Variants in FBXL18 observed in about 807,000 individuals in gnomAD.
FBXL18 encodes the protein F-box and leucine rich repeat protein 18.
FBXL18 carries 36 observed loss-of-function variants against 46.0 expected under a neutral mutation model. The ratio of observed to expected loss-of-function variants is 0.78; its 90% CI spans 0.60 to 1.03. FBXL18 has a LOEUF of 1.03. Among genes scored for constraint, FBXL18 ranks in the 50% least tolerant of loss-of-function variants. The probability of loss-of-function intolerance (pLI) is 0.00; values close to 1 mark genes in which losing one functional copy is unlikely to be tolerated. For synonymous variants in FBXL18, 557 were observed against 465.3 expected (o/e 1.20, Z -2.54); for missense variants, 977 against 1,004.1 (o/e 0.97, Z 0.36).
intron 3 of FBXL18, 38 bp from the exon 4 acceptor site, chr7:5,491,487 G>C: frequency 6.6e-7 from 1 of 1,505,694 alleles, no homozygotes; most frequent in Non-Finnish European, 8.9e-7. Context: ...TCCGAGGGAG[G>C]GGCTCGCAGG....
chr7:5,478,815 C>G lies in FBXL18; in HGVS notation c.*2960G>C, dbSNP rs1294421102. The G allele has an allele frequency of 6.6e-6, 1 of 152,054 alleles. No homozygotes were observed. The highest frequency in any genetic ancestry group is 1.5e-5 in the Non-Finnish European group (1 of 68,002). The allele number at this position is 152,054 out of a possible 1,614,324, so 9.4% of individuals were successfully genotyped here. The stretch of plus-strand genomic sequence containing the variant: ...GCACGCAGGCACACGCATGCAGGCA[C>G]ATGTGCACACACAGGGCACAGGTAC... On this transcript the variant is annotated 3_prime_UTR_variant, in exon 5 of 5. Transcript: ENST00000382368.
chr7:5,502,128 G>GCTCCACCGGGAGGGAAGCT (rs200920217), intron 2 of FBXL18, 97 bp from the exon 3 acceptor site: 38,395 of 865,826 alleles, frequency 0.044, 1,501 homozygotes, highest in Middle Eastern at 0.059. Context: ...TGCAGCAGCT[G>GCTCCACCGGGAGGGAAGCT]CTCCACCGGG....
At position 5,478,402 on chromosome 7, in the gene FBXL18, G is replaced by C. The variant is rs143883883; in HGVS notation, c.*3373C>G. 1,453 of 152,494 alleles carry C rather than the reference G, an allele frequency of 9.5e-3. 23 individuals are homozygous for C. Among genetic ancestry groups the C allele is most frequent in the Middle Eastern group, 0.034 (10 of 298 alleles). 9.4% of individuals were successfully genotyped at this position (152,494 alleles called of 1,614,324 possible). A position where few individuals can be genotyped will look rare whatever the true frequency, so the allele number is the denominator to read the frequency against. On this transcript the variant is annotated 3_prime_UTR_variant, in exon 5 of 5. Transcript: ENST00000382368. ...CTTTGCTCTGGGTCATCAGGCTCAA[G>C]TGCCTGCTCTGGGCCACCTTCGGAA...
At chr7:5,506,594 T>A (rs1420959823) in intron 1 of FBXL18, among the ~76,000 whole-genome samples, 1 of 150,848 alleles carries the variant, frequency 6.6e-6, no homozygotes, top group Non-Finnish European at 1.5e-5. Flanking sequence ...TCTCACTCTG[T>A]GGCCCAGGCT....
In FBXL18 at chr7:5,492,120, G is replaced by C. The variant is rs188485938; in HGVS notation, c.1782-671C>G. The stretch of plus-strand genomic sequence containing the variant: ...CAGGGCAGGGGGGAGGCCCAAGTCC[G>C]CACCAAGGCTACAGTGACAGAGACC... On this transcript the variant is annotated intron_variant, in intron 3 of 4. Coordinates refer to ENST00000382368, the MANE Select transcript of FBXL18 (RefSeq NM_024963.6). 2.0e-4 allele frequency among the ~76,000 whole-genome samples: 30 copies of C among 150,780 alleles called. No individual in the cohort carries two copies. In the East Asian group the frequency reaches 5.9e-3, roughly 29 times the overall value.
Position 5,464,578 on chromosome 7 carries a change from G to A in FBXL18, c.2001-16735C>T, listed in dbSNP as rs1238887615. Reference sequence around the variant, plus strand: ...CTTGGGAGGCTGGGGCAGAAGAATTGCTTCAACCCAGGAGACGAATGTTGC... The same window carrying A: ...CTTGGGAGGCTGGGGCAGAAGAATTACTTCAACCCAGGAGACGAATGTTGC... On this transcript the variant is annotated intron_variant and NMD_transcript_variant, in intron 4 of 6. Coordinates refer to the FBXL18 transcript ENST00000415009. Among the ~76,000 whole-genome samples, 13 of 143,276 alleles carry A rather than the reference G, an allele frequency of 9.1e-5. No homozygotes were observed. The East Asian group carries it at 2.7e-3, about 29-fold the overall frequency. The allele number at this position is 143,276 out of a possible 152,430, so 94.0% of individuals were successfully genotyped here. A position where few individuals can be genotyped will look rare whatever the true frequency, so the allele number is the denominator to read the frequency against.
At chr7:5,502,421 G>C (rs970344454) in intron 2 of FBXL18, among the ~76,000 whole-genome samples, 2 of 152,104 alleles carry the variant, frequency 1.3e-5, no homozygotes, top group Non-Finnish European at 2.9e-5. Context: ...TTTTATCCCA[G>C]CTACTCCAGA....
At chr7:5,454,870 G>A (rs1334356393) in intron 4 of FBXL18, among the ~76,000 whole-genome samples, 1 of 152,218 alleles carries the variant, frequency 6.6e-6, no homozygotes, top group African/African-American at 2.4e-5. Flanking sequence ...CACCCGAGCT[G>A]CCAGTGAGAG....
intron 4 of FBXL18, among the ~76,000 whole-genome samples, chr7:5,490,903 G>A (rs989250493): frequency 3.3e-5 from 5 of 152,348 alleles, no homozygotes; most frequent in Admixed American, 1.3e-4. Context: ...AGGTCGCAGT[G>A]AGCCGAGATT....
chr7:5,457,973 C>T (rs1483754773), intron 4 of FBXL18, among the ~76,000 whole-genome samples: 1 of 152,220 alleles, frequency 6.6e-6, no homozygotes, highest in Non-Finnish European at 1.5e-5. Flanking sequence ...AGCTGGAGAA[C>T]TGCCCACAAG....
chr7:5,487,121 C>A (rs962680854), intron 4 of FBXL18, among the ~76,000 whole-genome samples: 3 of 152,242 alleles, frequency 2.0e-5, no homozygotes, highest in South Asian at 4.1e-4. Context: ...TGACACTGAC[C>A]CCTAGGCCCA....
chr7:5,501,164 C>G lies in FBXL18; in HGVS notation c.1105G>C (p.Asp369His), dbSNP rs1716561889. The G allele has an allele frequency of 1.2e-6, 2 of 1,613,040 alleles. No homozygotes were observed. The highest frequency in any genetic ancestry group is 1.7e-5 in the Admixed American group (1 of 59,972). ...GTCTCCAGGATGCTGCTGTCGATGTCGTCCTCCGCCTTGCGGAGCAGCGAG... is the reference window on the plus strand; with the variant it reads ...GTCTCCAGGATGCTGCTGTCGATGTGGTCCTCCGCCTTGCGGAGCAGCGAG... ...PDSLLRKAED[D>H]IDSSILETLV... Residue 369 changes from aspartate (D) to histidine (H), a missense_variant, in exon 3 of 5, where the codon GAC becomes CAC. By Grantham distance (81) the Asp-to-His change is moderately conservative. Coordinates refer to ENST00000382368, the MANE Select transcript of FBXL18 (RefSeq NM_024963.6).
chr7:5,463,728 A>ATTTATTTATTTTTTTTTTTT (rs1562672288), intron 4 of FBXL18, among the ~76,000 whole-genome samples: 15 of 53,008 alleles, frequency 2.8e-4, no homozygotes, highest in South Asian at 7.4e-4. Flanking sequence ...TTATTTATTT[A>ATTTATTTATTTTTTTTTTTT]TTTTTTTTTT....
chr7:5,511,533 G>A (rs1486483652), intron 1 of FBXL18, among the ~76,000 whole-genome samples: 1 of 151,894 alleles, frequency 6.6e-6, no homozygotes, highest in African/African-American at 2.4e-5. Context: ...TTGAACCTGG[G>A]AAGCAGAGGT....
chr7:5,471,160 C>T (rs1192237415), downstream of FBXL18, among the ~76,000 whole-genome samples: 1 of 152,206 alleles, frequency 6.6e-6, no homozygotes, highest in Non-Finnish European at 1.5e-5. Context: ...CACTATCCTG[C>T]AAGTTCAACG....
At chr7:5,491,484 G>A in intron 3 of FBXL18, 35 bp from the exon 4 acceptor site, 1 of 1,516,284 alleles carries the variant, frequency 6.6e-7, no homozygotes, top group East Asian at 2.4e-5. Flanking sequence ...AGGTCCGAGG[G>A]AGGGGCTCGC....
intron 3 of FBXL18, 67 bp downstream of exon 3, chr7:5,500,421 C>T (rs1303576473): frequency 4.2e-6 from 6 of 1,437,794 alleles, no homozygotes; most frequent in African/African-American, 1.4e-5. Context: ...CCGAACTCCA[C>T]GCGAACGCCC....
chr7:5,511,621 A>T (rs1040044340), intron 1 of FBXL18, among the ~76,000 whole-genome samples: 22 of 150,584 alleles, frequency 1.5e-4, no homozygotes, highest in African/African-American at 5.1e-4. Flanking sequence ...AAAAAAAATC[A>T]GCCAGGTGTG....
chr7:5,485,037 C>T (rs1783738973), intron 4 of FBXL18, among the ~76,000 whole-genome samples: 1 of 152,174 alleles, frequency 6.6e-6, no homozygotes, highest in South Asian at 2.1e-4. Flanking sequence ...CCCCCTTGGC[C>T]TCCCAAAGCA....
Sources: gnomAD v4.1 joint callset for allele counts (sites outside exome capture counted in the v4.1 genomes callset) on GRCh38, gnomAD v4.1.1 for gene constraint, MANE v1.5 for transcripts, NCBI Gene and HGNC (gene_info 2026-07-23, HGNC 2026-07-21) for gene names.